Variants in PCLO observed in about 807,000 individuals in gnomAD.
The protein encoded by PCLO is protein piccolo.
A neutral mutation model predicts 427.5 loss-of-function variants in PCLO; 82 were observed. That is an observed-to-expected ratio of 0.19 (90% CI 0.16 to 0.23). The LOEUF is 0.23. PCLO is among the 10% of genes least tolerant of loss of function. The probability of loss-of-function intolerance (pLI) is 1.00; values close to 1 mark genes in which losing one functional copy is unlikely to be tolerated. For missense variants in PCLO, 6,239 were observed against 6,115.9 expected, an observed-to-expected ratio of 1.02 and a Z score of -0.67; for synonymous variants, 2,357 against 2,155.4, an observed-to-expected ratio of 1.09 and a Z score of -2.59.
chr7:83,003,957 A>G (rs1243602493), intron 3 of PCLO, among the ~76,000 whole-genome samples: 1 of 151,522 alleles, frequency 6.6e-6, no homozygotes, highest in Non-Finnish European at 1.5e-5. Flanking sequence ...GACTTCACCC[A>G]TGAAGTTATC....
chr7:82,779,261 T>C (rs974605059), intron 22 of PCLO, among the ~76,000 whole-genome samples: 1 of 152,140 alleles, frequency 6.6e-6, no homozygotes, highest in African/African-American at 2.4e-5. Flanking sequence ...ATATTGCTTT[T>C]TGCCTTGATT....
At chr7:83,089,983 G>A (rs1278644004) in intron 3 of PCLO, among the ~76,000 whole-genome samples, 4 of 152,140 alleles carry the variant, frequency 2.6e-5, no homozygotes, top group Non-Finnish European at 5.9e-5. Flanking sequence ...GTAAGTAGAA[G>A]TCAACAATTT....
At chr7:82,785,470 G>A (rs990299012) in intron 22 of PCLO, among the ~76,000 whole-genome samples, 20 of 152,192 alleles carry the variant, frequency 1.3e-4, no homozygotes, top group African/African-American at 4.6e-4. Context: ...AAGAAATAAA[G>A]CTTTCAAAGT....
intron 3 of PCLO, among the ~76,000 whole-genome samples, chr7:83,007,541 A>G (rs1022934868): frequency 6.6e-6 from 1 of 151,658 alleles, no homozygotes; most frequent in Non-Finnish European, 1.5e-5. Context: ...TTATTTCTAT[A>G]TAGAGAAATA....
intron 9 of PCLO, among the ~76,000 whole-genome samples, chr7:82,892,710 T>A (rs890962548): frequency 6.6e-6 from 1 of 151,750 alleles, no homozygotes; most frequent in Non-Finnish European, 1.5e-5. Context: ...GAATCTACAA[T>A]GAACTCAAAC....
chr7:83,025,279 A>T (rs938994909), intron 3 of PCLO, among the ~76,000 whole-genome samples: 3 of 151,822 alleles, frequency 2.0e-5, no homozygotes, highest in Non-Finnish European at 4.4e-5. Flanking sequence ...GGAGCTGAAA[A>T]CCAAGGCTCG....
At chr7:83,110,956 A>C (rs16887413) in intron 3 of PCLO, among the ~76,000 whole-genome samples, 2,082 of 152,308 alleles carry the variant, frequency 0.014, 34 homozygotes, top group African/African-American at 0.045. Flanking sequence ...TCTTATTACT[A>C]TCCCAAATAA....
Position 82,954,813 on chromosome 7 carries a change from G to C in PCLO, c.6140C>G (p.Thr2047Ser), listed in dbSNP as rs1262418266. 6.2e-7 allele frequency: 1 copy of C among 1,613,790 alleles called. No individual in the cohort carries two copies. The highest frequency in any genetic ancestry group is 1.7e-5 in the Admixed American group (1 of 60,000). The change falls in exon 5 of 25, where the codon ACT (threonine) becomes AGT (serine). Residue 2047 changes from threonine (T) to serine (S), a missense_variant. Around this residue, in one of 5 missense-constraint regions of PCLO, gnomAD observed 4,677 missense variants for 4,468.4 expected, o/e 1.05. Transcript: ENST00000333891. ...TTCTTCTTCTGTAGAAGTTACCATA[G>C]TACCCAGGTCCACTATCTCATGGCT... ...PESHEIVDLG[T>S]MVTSTEEERK...
intron 7 of PCLO, among the ~76,000 whole-genome samples, chr7:82,912,145 AAAT>A (rs1474570160): frequency 6.6e-6 from 1 of 152,096 alleles, no homozygotes; most frequent in African/African-American, 2.4e-5. Flanking sequence ...ACAGGATACT[AAAT>A]AACCTGTAGA....
intron 1 of PCLO, among the ~76,000 whole-genome samples, chr7:83,156,641 A>T (rs1792309985): frequency 6.6e-6 from 1 of 151,674 alleles, no homozygotes; most frequent in Non-Finnish European, 1.5e-5. Context: ...GAGTGATAAA[A>T]ATTAAAATAT....
rs1794690347 is a variant in PCLO at position 82,925,449 on chromosome 7, C to A, written c.11113-8576G>T. On this transcript the variant is annotated intron_variant, in intron 6 of 24. Transcript: ENST00000333891. ...AATAGACTGGAAGCAGAGTTTCACTCTATGAAATGTCAATGAAAACAGCAA... is the reference window on the plus strand; with the variant it reads ...AATAGACTGGAAGCAGAGTTTCACTATATGAAATGTCAATGAAAACAGCAA... Among the ~76,000 whole-genome samples the A allele has an allele frequency of 2.0e-5, 3 of 152,226 alleles. No homozygotes were observed. The South Asian group carries it at 6.2e-4, about 32-fold the overall frequency.
At chr7:83,061,122 A>G (rs990066018) in intron 3 of PCLO, among the ~76,000 whole-genome samples, 3 of 152,198 alleles carry the variant, frequency 2.0e-5, no homozygotes, top group African/African-American at 7.2e-5. Context: ...GGTGGCCAAA[A>G]GTTTAGGAAC....
chr7:82,868,943 G>A (rs997051081), intron 10 of PCLO, among the ~76,000 whole-genome samples: 3 of 151,952 alleles, frequency 2.0e-5, no homozygotes, highest in African/African-American at 7.3e-5. Flanking sequence ...TAGGTTCATT[G>A]GATATATGAT....
chr7:83,057,348 ATTTTTTTTTTTTT>A (rs1199445166), intron 3 of PCLO, among the ~76,000 whole-genome samples: 4 of 19,624 alleles, frequency 2.0e-4, no homozygotes, highest in African/African-American at 3.4e-4. Context: ...ATATATATAT[ATTTTTTTTTTTTT>A]TTTTTTTTTT....
At chr7:82,764,777 T>C (rs1790498943) in intron 22 of PCLO, among the ~76,000 whole-genome samples, 1 of 151,772 alleles carries the variant, frequency 6.6e-6, no homozygotes. Flanking sequence ...GTACCACTTA[T>C]GTAAAGTTGA....
chr7:82,770,251 T>G (rs996041763), intron 22 of PCLO, among the ~76,000 whole-genome samples: 11 of 152,072 alleles, frequency 7.2e-5, no homozygotes, highest in Non-Finnish European at 7.4e-5. Context: ...CCCTTATTCT[T>G]TTTTTAAAAA....
intron 10 of PCLO, among the ~76,000 whole-genome samples, chr7:82,877,393 T>G (rs1280289895): frequency 6.6e-6 from 1 of 152,128 alleles, no homozygotes; most frequent in Non-Finnish European, 1.5e-5. Flanking sequence ...AAATAGCATG[T>G]TCATTTTTCT....
In PCLO at chr7:82,955,600, A is replaced by T; in HGVS notation, c.5353T>A (p.Leu1785Ile). The change falls in exon 5 of 25, where the codon TTA (leucine) becomes ATA (isoleucine). Residue 1785 changes from leucine to isoleucine, a missense_variant. Leu to Ile is a conservative substitution (Grantham distance 5). Around this residue, in one of 5 missense-constraint regions of PCLO, gnomAD observed 4,677 missense variants for 4,468.4 expected, o/e 1.05. Transcript: ENST00000333891. ...CTCTGCTTTTCTTGCTCCTTTAATA[A>T]TTCTTCTTCCTCTCTCAATTCTTCT... ...EEEELREEEELLKEQEKQREI... is the reference protein window; with the variant it reads ...EEEELREEEEILKEQEKQREI... 1.9e-6 allele frequency: 3 copies of T among 1,613,720 alleles called. No individual in the cohort carries two copies. Among genetic ancestry groups the T allele is most frequent in the Non-Finnish European group, 2.5e-6 (3 of 1,179,812 alleles).
intron 3 of PCLO, among the ~76,000 whole-genome samples, chr7:83,066,635 C>T (rs116944415): frequency 0.017 from 2,629 of 152,080 alleles, 38 homozygotes; most frequent in Non-Finnish European, 0.028. Context: ...TTATGTTAGA[C>T]TTCTGGTGGG....
Sources: allele counts gnomAD v4.1 joint callset (sites outside exome capture counted in the v4.1 genomes callset), GRCh38; gene constraint gnomAD v4.1.1; regional missense constraint gnomAD v4.1.1; transcripts MANE v1.5; gene names NCBI Gene and HGNC (gene_info 2026-07-23, HGNC 2026-07-21).